The following SLC9A9 variants were observed in gnomAD, a reference collection of about 807,000 sequenced individuals.
SLC9A9 encodes solute carrier family 9 member A9, also known as sodium/hydrogen exchanger 9.
SLC9A9 carries 62 observed loss-of-function variants against 77.8 expected under a neutral mutation model. The ratio of observed to expected loss-of-function variants is 0.80; its 90% CI spans 0.65 to 0.98. The LOEUF (loss-of-function observed/expected upper bound fraction) is 0.98. Ranked by LOEUF, SLC9A9 falls within the 50% of genes least tolerant of loss-of-function variation. The pLI, the probability that SLC9A9 is intolerant of heterozygous loss-of-function variation, is 0.00. For missense variants in SLC9A9, 775 were observed against 774.9 expected (o/e 1.00, Z 0.00); for synonymous variants, 320 against 283.5 (o/e 1.13, Z -1.29).
chr3:143,784,354 G>T (rs1474566673), intron 4 of SLC9A9, among the ~76,000 whole-genome samples: 1 of 152,034 alleles, frequency 6.6e-6, no homozygotes, highest in Non-Finnish European at 1.5e-5. Context: ...AGTCAAAACG[G>T]GAGGCATTCA....
rs764735910 is a variant in SLC9A9 at position 143,848,358 on chromosome 3, T to C, written c.-36A>G. The C allele has an allele frequency of 1.9e-6, 3 of 1,613,522 alleles. No individual in the cohort carries two copies. The highest frequency in any genetic ancestry group is 2.5e-6 in the Non-Finnish European group (3 of 1,179,582). ...TCTTGGGATTCCTTAGATAAAAACC[T>C]GGATAAAGGCTATTTTATCAAGATT... On this transcript the variant is annotated 5_prime_UTR_variant, in exon 1 of 16. Coordinates refer to ENST00000316549, the MANE Select transcript of SLC9A9 (RefSeq NM_173653.4).
At chr3:143,306,020 C>A (rs1213114143) in intron 14 of SLC9A9, among the ~76,000 whole-genome samples, 2 of 152,016 alleles carry the variant, frequency 1.3e-5, no homozygotes, top group Admixed American at 6.5e-5. Context: ...GATTTTTTCC[C>A]CCTTGTATGA....
chr3:143,817,104 T>G (rs2009036185), intron 2 of SLC9A9, among the ~76,000 whole-genome samples: 1 of 152,038 alleles, frequency 6.6e-6, no homozygotes, highest in African/African-American at 2.4e-5. Flanking sequence ...TTTAACTTTG[T>G]TGATGGTGTC....
intron 4 of SLC9A9, among the ~76,000 whole-genome samples, chr3:143,714,172 G>T (rs1004154488): frequency 6.6e-6 from 1 of 152,172 alleles, no homozygotes; most frequent in Admixed American, 6.5e-5. Flanking sequence ...TTTCCCAGAT[G>T]ACCATACAGA....
chr3:143,668,272 A>T (rs1451437092), intron 5 of SLC9A9, among the ~76,000 whole-genome samples: 1 of 143,482 alleles, frequency 7.0e-6, no homozygotes, highest in African/African-American at 2.6e-5. Context: ...GTAGGTGGGA[A>T]CTAAACAATG....
intron 6 of SLC9A9, among the ~76,000 whole-genome samples, chr3:143,648,737 C>T (rs1023636933): frequency 1.3e-5 from 2 of 152,122 alleles, no homozygotes; most frequent in East Asian, 1.9e-4. Context: ...GACTTAGACC[C>T]GAACCAATAC....
intron 2 of SLC9A9, among the ~76,000 whole-genome samples, chr3:143,817,165 G>A (rs1385779004): frequency 8.2e-5 from 12 of 146,290 alleles, no homozygotes; most frequent in Non-Finnish European, 1.6e-4. Flanking sequence ...TTTTTGAGAC[G>A]GAGTCTCGCT....
At chr3:143,407,487 A>G (rs1282846475) in intron 12 of SLC9A9, among the ~76,000 whole-genome samples, 1 of 152,244 alleles carries the variant, frequency 6.6e-6, no homozygotes, top group Non-Finnish European at 1.5e-5. Context: ...ATTGAATAAA[A>G]ACTTTATGTA....
chr3:143,816,295 G>A (rs1423015707), intron 2 of SLC9A9, among the ~76,000 whole-genome samples: 4 of 152,120 alleles, frequency 2.6e-5, no homozygotes, highest in South Asian at 4.1e-4. Flanking sequence ...CCTTGAACTC[G>A]TGGGCTCAAG....
At chr3:143,286,387 G>A (rs1334720068) in intron 14 of SLC9A9, among the ~76,000 whole-genome samples, 1 of 152,200 alleles carries the variant, frequency 6.6e-6, no homozygotes, top group Non-Finnish European at 1.5e-5. Context: ...CAGATTTGGA[G>A]AAGGCCAAGC....
intron 5 of SLC9A9, among the ~76,000 whole-genome samples, chr3:143,689,791 G>A (rs148118119): frequency 1.8e-3 from 274 of 152,144 alleles, no homozygotes; most frequent in African/African-American, 6.3e-3. Context: ...AACCATGTGC[G>A]TAGTAGCATA....
At chr3:143,581,498 C>A (rs1010401609) in intron 6 of SLC9A9, among the ~76,000 whole-genome samples, 2 of 151,998 alleles carry the variant, frequency 1.3e-5, no homozygotes, top group Admixed American at 6.6e-5. Context: ...TTCTTTCCTA[C>A]CTTCCCTCCC....
At chr3:143,292,497 G>T (rs564730433) in intron 14 of SLC9A9, among the ~76,000 whole-genome samples, 28 of 151,810 alleles carry the variant, frequency 1.8e-4, no homozygotes, top group Non-Finnish European at 3.2e-4. Context: ...TGTTTTTTTC[G>T]CGATGTCCTA....
At chr3:143,317,267 G>A (rs2031245199) in intron 14 of SLC9A9, among the ~76,000 whole-genome samples, 1 of 152,002 alleles carries the variant, frequency 6.6e-6, no homozygotes, top group Non-Finnish European at 1.5e-5. Context: ...ACCAAGAAAT[G>A]AGAACATGGT....
intron 6 of SLC9A9, among the ~76,000 whole-genome samples, chr3:143,630,141 T>C (rs1013248221): frequency 2.6e-5 from 4 of 152,318 alleles, no homozygotes; most frequent in East Asian, 1.9e-4. Context: ...CTTTTGTTAT[T>C]CTTTATAATA....
At chr3:143,449,966 A>ATATTATAATATACATTATATAATATATAT (rs377200810) in intron 12 of SLC9A9, among the ~76,000 whole-genome samples, 4 of 77,218 alleles carry the variant, frequency 5.2e-5, no homozygotes, top group Non-Finnish European at 6.7e-5. Context: ...TATATAATAT[A>ATATTATAATATACATTATATAATATATAT]TATAATATAT....
At chr3:143,724,428 T>G (rs1454945898) in intron 4 of SLC9A9, among the ~76,000 whole-genome samples, 1 of 152,222 alleles carries the variant, frequency 6.6e-6, no homozygotes, top group East Asian at 1.9e-4. Flanking sequence ...AGGTAGTTCT[T>G]TATAGCAGTG....
chr3:143,418,857 C>A (rs1391495092), intron 12 of SLC9A9, among the ~76,000 whole-genome samples: 1 of 152,122 alleles, frequency 6.6e-6, no homozygotes, highest in Non-Finnish European at 1.5e-5. Context: ...CATGGAGTTG[C>A]TTTCTGATTG....
At chr3:143,598,148 T>C (rs1385041930) in intron 6 of SLC9A9, among the ~76,000 whole-genome samples, 1 of 152,036 alleles carries the variant, frequency 6.6e-6, no homozygotes, top group African/African-American at 2.4e-5. Context: ...TAAAATCCAG[T>C]ATAAGGGACA....
Sources: gnomAD v4.1 joint callset for allele counts (sites outside exome capture counted in the v4.1 genomes callset) on GRCh38, gnomAD v4.1.1 for gene constraint, MANE v1.5 for transcripts, NCBI Gene and HGNC (gene_info 2026-07-23, HGNC 2026-07-21) for gene names.